The following EXT2 variants were observed in gnomAD, a reference collection of about 807,000 sequenced individuals.
EXT2 encodes the protein exostosin glycosyltransferase 2, also known as exostosin-2.
In EXT2, 53 loss-of-function variants were observed where a neutral mutation model predicts 81.6. The ratio of observed to expected loss-of-function variants is 0.65; its 90% CI spans 0.52 to 0.82. EXT2 has a LOEUF of 0.82. EXT2 is among the 40% of genes least tolerant of loss of function. The probability of loss-of-function intolerance (pLI) is 0.00; values close to 1 mark genes in which losing one functional copy is unlikely to be tolerated. For synonymous variants in EXT2, 320 were observed against 340.0 expected (o/e 0.94, Z 0.65); for missense variants, 774 against 910.2 (o/e 0.85, Z 1.93).
chr11:44,159,222 A>G (rs899180494), intron 7 of EXT2, among the ~76,000 whole-genome samples: 2 of 148,054 alleles, frequency 1.4e-5, no homozygotes, highest in African/African-American at 2.5e-5. Flanking sequence ...CTCAGTCATT[A>G]TTGCTTCAGA....
At chr11:44,160,972 A>G (rs763479441) in intron 7 of EXT2, among the ~76,000 whole-genome samples, 5 of 152,068 alleles carry the variant, frequency 3.3e-5, no homozygotes, top group Non-Finnish European at 5.9e-5. Flanking sequence ...AATTACTTCT[A>G]CTGATCTTCT....
chr11:44,095,921 C>A, intron 1 of EXT2, 69 bp downstream of exon 1: 1 of 300,050 alleles, frequency 3.3e-6, no homozygotes, highest in South Asian at 3.3e-5. Flanking sequence ...CCGGGGGCCG[C>A]TGCTGGGTCG....
chr11:44,198,985 C>T (rs915558321), intron 9 of EXT2, among the ~76,000 whole-genome samples: 1 of 152,176 alleles, frequency 6.6e-6, no homozygotes, highest in African/African-American at 2.4e-5. Flanking sequence ...TTCTCCTTTA[C>T]TTCATGGGAT....
chr11:44,232,205 G>T, intron 10 of EXT2, 148 bp from the exon 11 acceptor site: 5 of 987,580 alleles, frequency 5.1e-6, no homozygotes, highest in Non-Finnish European at 7.7e-6. Context: ...ACACCTGTTT[G>T]ATGGAACATC....
chr11:44,151,769 T>G (rs1171703537), intron 7 of EXT2, among the ~76,000 whole-genome samples: 1 of 152,180 alleles, frequency 6.6e-6, no homozygotes, highest in Non-Finnish European at 1.5e-5. Context: ...AAGAATACGT[T>G]TAGTTTTGTA....
chr11:44,248,964 G>GC lies in EXT2; in HGVS notation c.*4677_*4678insC, dbSNP rs1956117852. On this transcript the variant is annotated 3_prime_UTR_variant, in exon 14 of 14. Transcript: ENST00000533608. The stretch of plus-strand genomic sequence containing the variant: ...ACATTTGCAACCATTTCAGGGTAGA[G>GC]TTTTTTTGTTTGTTTGTTTGTTTGT... Among the ~76,000 whole-genome samples the GC allele has an allele frequency of 6.6e-6, 1 of 151,694 alleles. No homozygotes were observed. Among genetic ancestry groups the GC allele is most frequent in the Admixed American group, 6.6e-5 (1 of 15,238 alleles).
chr11:44,123,861 A>G (rs999271119), intron 4 of EXT2, among the ~76,000 whole-genome samples: 11 of 151,080 alleles, frequency 7.3e-5, no homozygotes, highest in African/African-American at 2.7e-4. Context: ...CAGACTTACT[A>G]ACTTTGTGTT....
At chr11:44,133,070 G>C (rs1954517142) in intron 7 of EXT2, among the ~76,000 whole-genome samples, 1 of 152,110 alleles carries the variant, frequency 6.6e-6, no homozygotes, top group Admixed American at 6.6e-5. Flanking sequence ...CTAGAACATT[G>C]CTTGCCAATT....
Position 44,247,156 on chromosome 11 carries a change from C to T in EXT2, c.*2869C>T, listed in dbSNP as rs1411257650. 6.6e-6 allele frequency among the ~76,000 whole-genome samples: 1 copy of T among 152,050 alleles called. No homozygotes were observed. The highest frequency in any genetic ancestry group is 1.5e-5 in the Non-Finnish European group (1 of 68,030). On this transcript the variant is annotated 3_prime_UTR_variant, in exon 14 of 14. Coordinates refer to ENST00000533608, the MANE Select transcript of EXT2 (RefSeq NM_207122.2). Reference sequence around the variant, plus strand: ...CCCTCACACATTTAGGTATAAACCTCCTTTTCTGGGAGAATTAAAGAGAAA... The same window carrying T: ...CCCTCACACATTTAGGTATAAACCTTCTTTTCTGGGAGAATTAAAGAGAAA...
intron 10 of EXT2, among the ~76,000 whole-genome samples, chr11:44,229,914 C>T (rs573864314): frequency 2.6e-5 from 4 of 152,128 alleles, no homozygotes; most frequent in Non-Finnish European, 4.4e-5. Context: ...GTTCTTTGTG[C>T]GTGGAATACC....
chr11:44,178,053 G>A (rs1262363860), intron 8 of EXT2, among the ~76,000 whole-genome samples: 4 of 152,200 alleles, frequency 2.6e-5, no homozygotes, highest in Admixed American at 2.0e-4. Context: ...AAGATAGAAA[G>A]GGCAAGGGAT....
At chr11:44,166,182 T>C (rs1329979392) in intron 7 of EXT2, among the ~76,000 whole-genome samples, 1 of 152,128 alleles carries the variant, frequency 6.6e-6, no homozygotes, top group Non-Finnish European at 1.5e-5. Flanking sequence ...TATAGAACAG[T>C]ATATAACAAC....
chr11:44,233,971 C>CT, intron 11 of EXT2, 144 bp from the exon 12 acceptor site: 1 of 1,174,040 alleles, frequency 8.5e-7, no homozygotes, highest in Non-Finnish European at 1.2e-6. Flanking sequence ...CTAATGCCTC[C>CT]TTTTACCCTT....
At chr11:44,133,517 T>C (rs534395487) in intron 7 of EXT2, among the ~76,000 whole-genome samples, 17 of 152,310 alleles carry the variant, frequency 1.1e-4, no homozygotes, top group African/African-American at 3.4e-4. Context: ...TGGAGCTGCA[T>C]TGGACAGTTG....
chr11:44,205,426 T>C (rs1955570549), intron 9 of EXT2, among the ~76,000 whole-genome samples: 1 of 152,228 alleles, frequency 6.6e-6, no homozygotes, highest in Admixed American at 6.5e-5. Context: ...TAACTGTTGA[T>C]ATTGATGAAA....
In EXT2 at chr11:44,247,336, G is replaced by A. The variant is rs1045247473; in HGVS notation, c.*3049G>A. Among the ~76,000 whole-genome samples, 2 of 135,944 alleles carry A rather than the reference G, an allele frequency of 1.5e-5. No homozygotes were observed. Among genetic ancestry groups the A allele is most frequent in the East Asian group, 2.3e-4 (1 of 4,294 alleles). The allele number at this position is 135,944 out of a possible 152,430, so 89.2% of individuals were successfully genotyped here. A position where few individuals can be genotyped will look rare whatever the true frequency, so the allele number is the denominator to read the frequency against. On this transcript the variant is annotated 3_prime_UTR_variant, in exon 14 of 14. Transcript: ENST00000533608. ...ATGGTCTCGGCTCACTACATCCTCC[G>A]CCTCCCAGGTTCAAGTGATTCTCCT...
chr11:44,130,789 G>A (rs1954481838), intron 7 of EXT2, among the ~76,000 whole-genome samples: 1 of 152,192 alleles, frequency 6.6e-6, no homozygotes, highest in Non-Finnish European at 1.5e-5. Context: ...ATTTTTAATG[G>A]ACTTTTAAAA....
intron 4 of EXT2, among the ~76,000 whole-genome samples, chr11:44,123,783 G>A (rs1435417721): frequency 6.6e-6 from 1 of 152,156 alleles, no homozygotes; most frequent in African/African-American, 2.4e-5. Context: ...TCTCTGTCTT[G>A]TTTGAGTCTT....
At chr11:44,143,650 C>G (rs1954676019) in intron 7 of EXT2, among the ~76,000 whole-genome samples, 1 of 152,216 alleles carries the variant, frequency 6.6e-6, no homozygotes, top group Non-Finnish European at 1.5e-5. Flanking sequence ...AACCCTTAAT[C>G]AGAAGATGGG....
Sources: allele counts gnomAD v4.1 joint callset (sites outside exome capture counted in the v4.1 genomes callset), GRCh38; gene constraint gnomAD v4.1.1; transcripts MANE v1.5; gene names NCBI Gene and HGNC (gene_info 2026-07-23, HGNC 2026-07-21).